Variants in PHKB observed in about 807,000 individuals in gnomAD.
PHKB encodes phosphorylase kinase regulatory subunit beta.
Under a neutral mutation model 152.1 loss-of-function variants are expected in PHKB, and 122 were observed. That is an observed-to-expected ratio of 0.80 (90% CI 0.69 to 0.93). The LOEUF is 0.93. Among genes scored for constraint, PHKB ranks in the 40% least tolerant of loss-of-function variants. The probability of loss-of-function intolerance (pLI) is 0.00; values close to 1 mark genes in which losing one functional copy is unlikely to be tolerated. For missense variants in PHKB, 1,304 were observed against 1,328.4 expected (o/e 0.98, Z 0.29); for synonymous variants, 436 against 464.9 (o/e 0.94, Z 0.80).
chr16:47,478,379 C>A (rs187415656), intron 1 of PHKB, among the ~76,000 whole-genome samples: 2 of 152,060 alleles, frequency 1.3e-5, no homozygotes, highest in African/African-American at 2.4e-5. Flanking sequence ...TGCTTAGAAA[C>A]CCCTTCATAT....
At chr16:47,484,158 A>C (rs1228784528) in intron 1 of PHKB, among the ~76,000 whole-genome samples, 2 of 152,198 alleles carry the variant, frequency 1.3e-5, no homozygotes, top group African/African-American at 2.4e-5. Context: ...AACATCAACC[A>C]GGTTTAATAT....
At position 47,640,996 on chromosome 16, in the gene PHKB, T is replaced by C; in HGVS notation, c.1459-39T>C. On this transcript the variant is annotated intron_variant, in intron 14 of 30. Transcript: ENST00000323584. ...CATTGTAGCTGATGATGACCAGATC[T>C]TTTAAAATGTTTTCCCCCTCCCTTA... 3 of 1,566,698 alleles carry C rather than the reference T, an allele frequency of 1.9e-6. No individual in the cohort carries two copies. The South Asian group carries it at 3.3e-5, about 17-fold the overall frequency.
chr16:47,484,583 T>C (rs1970019589), intron 1 of PHKB, among the ~76,000 whole-genome samples: 1 of 152,184 alleles, frequency 6.6e-6, no homozygotes, highest in African/African-American at 2.4e-5. Context: ...GCATTTTTTT[T>C]GGTGAGGTTT....
chr16:47,486,627 A>C (rs1420891431), intron 1 of PHKB, among the ~76,000 whole-genome samples: 2 of 152,020 alleles, frequency 1.3e-5, no homozygotes, highest in Non-Finnish European at 2.9e-5. Context: ...TCCCATGCCT[A>C]CCCCGTCTGC....
In PHKB at chr16:47,689,313, T is replaced by C. The variant is rs1039250487; in HGVS notation, c.2765+138T>C. 5.1e-6 allele frequency: 4 copies of C among 778,406 alleles called. No homozygotes were observed. In the African/African-American group the frequency reaches 5.2e-5, roughly 10 times the overall value. 48.2% of individuals were successfully genotyped at this position (778,406 alleles called of 1,614,324 possible). On this transcript the variant is annotated intron_variant, in intron 27 of 30. Transcript: ENST00000323584. ...GAGTGTCAGAGGCCACCCCACTAGA[T>C]GGAAAGTGTAAACAGAAAGACCAAT...
intron 26 of PHKB, among the ~76,000 whole-genome samples, chr16:47,688,257 A>G (rs76525358): frequency 0.11 from 16,379 of 152,162 alleles, 1,231 homozygotes; most frequent in Non-Finnish European, 0.14. Flanking sequence ...TGGTGTGTAA[A>G]TTTCTCATTC....
At position 47,647,611 on chromosome 16, in the gene PHKB, TCTCAG is replaced by T. The variant is rs1365644792; in HGVS notation, c.1609-920_1609-916del. Among the ~76,000 whole-genome samples, 625 of 151,880 alleles carry T rather than the reference TCTCAG, an allele frequency of 4.1e-3. 5 individuals carry two copies. The highest frequency in any genetic ancestry group is 0.014 in the African/African-American group (595 of 41,392). On this transcript the variant is annotated intron_variant, in intron 16 of 30. Transcript: ENST00000323584. Reference sequence around the variant, plus strand: ...CTCCTGGGTTCATGCCATTTTCCTTTCTCAGCCTCCCTAGTAGCTGGGACTACAGG... The same window carrying T: ...CTCCTGGGTTCATGCCATTTTCCTTTCCTCCCTAGTAGCTGGGACTACAGG...
chr16:47,659,328 G>A lies in PHKB; in HGVS notation c.1972-1178G>A, dbSNP rs189506372. 3.9e-5 allele frequency among the ~76,000 whole-genome samples: 6 copies of A among 152,264 alleles called. 1 individual carries two copies. In the East Asian group the frequency reaches 1.2e-3, roughly 29 times the overall value. Reference sequence around the variant, plus strand: ...ACAAAAGCAACATTCCCTGTGTCCTGTTTCTTCACATTTGAGATGAACAGT... The same window carrying A: ...ACAAAAGCAACATTCCCTGTGTCCTATTTCTTCACATTTGAGATGAACAGT... On this transcript the variant is annotated intron_variant, in intron 20 of 30. Coordinates refer to ENST00000323584, the MANE Select transcript of PHKB (RefSeq NM_000293.3).
intron 1 of PHKB, among the ~76,000 whole-genome samples, chr16:47,472,521 G>A (rs1161103726): frequency 6.6e-6 from 1 of 152,108 alleles, no homozygotes; most frequent in Admixed American, 6.5e-5. Context: ...GGTGGCTCAC[G>A]CCTGTAATCG....
chr16:47,596,680 A>G (rs1393289546), intron 13 of PHKB, 149 bp downstream of exon 13: 10 of 700,828 alleles, frequency 1.4e-5, no homozygotes, highest in Admixed American at 9.7e-5. Context: ...CTAGTGGTAT[A>G]TTAATATATC....
At chr16:47,610,583 G>A (rs1442093943) in intron 13 of PHKB, among the ~76,000 whole-genome samples, 1 of 151,952 alleles carries the variant, frequency 6.6e-6, no homozygotes, top group African/African-American at 2.4e-5. Context: ...ATTTCTTTCT[G>A]TTATTGATGC....
At chr16:47,579,382 C>G (rs1299863155) in intron 7 of PHKB, among the ~76,000 whole-genome samples, 1 of 152,062 alleles carries the variant, frequency 6.6e-6, no homozygotes, top group Admixed American at 6.6e-5. Context: ...ATTATGGAGC[C>G]CTACTCCCAA....
chr16:47,574,156 G>A (rs185886282), intron 7 of PHKB, among the ~76,000 whole-genome samples: 16 of 152,270 alleles, frequency 1.1e-4, no homozygotes, highest in Middle Eastern at 6.8e-3. Flanking sequence ...TTGACCTCAG[G>A]TGACCCACCC....
intron 6 of PHKB, among the ~76,000 whole-genome samples, chr16:47,516,101 G>T (rs1196896175): frequency 2.6e-5 from 4 of 151,948 alleles, no homozygotes; most frequent in African/African-American, 9.7e-5. Context: ...CTAATTTTTT[G>T]TATTTTAGTA....
chr16:47,492,166 C>T (rs1261818063), intron 1 of PHKB, among the ~76,000 whole-genome samples: 1 of 152,106 alleles, frequency 6.6e-6, no homozygotes, highest in Non-Finnish European at 1.5e-5. Context: ...GAGGCTAGAA[C>T]AAAACATTGC....
At chr16:47,696,958 T>C (rs1352384753) in intron 29 of PHKB, among the ~76,000 whole-genome samples, 9 of 152,216 alleles carry the variant, frequency 5.9e-5, no homozygotes, top group African/African-American at 2.2e-4. Flanking sequence ...GCTGTTAATA[T>C]TTTGAGGGAC....
intron 7 of PHKB, among the ~76,000 whole-genome samples, chr16:47,555,677 A>C (rs1052452943): frequency 6.6e-6 from 1 of 152,234 alleles, no homozygotes; most frequent in African/African-American, 2.4e-5. Flanking sequence ...TGAATTTCTT[A>C]CAACAATATA....
chr16:47,660,936 G>A, intron 22 of PHKB, 117 bp downstream of exon 22: 3 of 1,005,696 alleles, frequency 3.0e-6, no homozygotes, highest in Admixed American at 3.7e-5. Flanking sequence ...ATCTGGAGGT[G>A]GATGACTTGT....
chr16:47,535,916 T>C (rs569683781), intron 6 of PHKB, among the ~76,000 whole-genome samples: 2 of 152,316 alleles, frequency 1.3e-5, no homozygotes, highest in East Asian at 3.9e-4. Flanking sequence ...CAAAGGTACA[T>C]GCTTTCAAAG....
Sources: gnomAD v4.1 joint callset for allele counts (sites outside exome capture counted in the v4.1 genomes callset) on GRCh38, gnomAD v4.1.1 for gene constraint, MANE v1.5 for transcripts, NCBI Gene and HGNC (gene_info 2026-07-23, HGNC 2026-07-21) for gene names.